The following NEK11 variants were observed in gnomAD, a reference collection of about 807,000 sequenced individuals.
NEK11 encodes NIMA related kinase 11, also known as serine/threonine-protein kinase Nek11.
In NEK11, 72 loss-of-function variants were observed where a neutral mutation model predicts 80.7. That is an observed-to-expected ratio of 0.89 (90% CI 0.74 to 1.08). The LOEUF (loss-of-function observed/expected upper bound fraction) is 1.08. Ranked by LOEUF, NEK11 falls within the 50% of genes least tolerant of loss-of-function variation. The pLI is 0.00. For synonymous variants in NEK11, 251 were observed against 260.7 expected (o/e 0.96, Z 0.36); for missense variants, 764 against 763.6 (o/e 1.00, Z -0.01).
intron 14 of NEK11, among the ~76,000 whole-genome samples, chr3:131,209,561 T>A (rs570918916): frequency 1.3e-5 from 2 of 152,346 alleles, no homozygotes; most frequent in East Asian, 3.9e-4. Context: ...GAAGGAATGG[T>A]ACCAGCTCCT....
chr3:131,063,704 A>G (rs776887354), intron 3 of NEK11, among the ~76,000 whole-genome samples: 1 of 152,196 alleles, frequency 6.6e-6, no homozygotes, highest in South Asian at 2.1e-4. Context: ...AGAGAGTGAC[A>G]TAAAAGTAGT....
intron 5 of NEK11, among the ~76,000 whole-genome samples, chr3:131,121,789 C>T (rs907102560): frequency 6.6e-6 from 1 of 152,206 alleles, no homozygotes; most frequent in Non-Finnish European, 1.5e-5. Context: ...CCAAGCCATG[C>T]ATGGGATATA....
intron 16 of NEK11, among the ~76,000 whole-genome samples, chr3:131,258,836 A>G (rs549607768): frequency 1.3e-5 from 2 of 152,258 alleles, no homozygotes; most frequent in East Asian, 3.9e-4. Flanking sequence ...GCTTTTCCCA[A>G]GTTGATCCAC....
intron 15 of NEK11, among the ~76,000 whole-genome samples, chr3:131,229,656 TA>T (rs1056333674): frequency 5.9e-5 from 9 of 152,184 alleles, no homozygotes; most frequent in African/African-American, 2.2e-4. Flanking sequence ...ACCATTTTAA[TA>T]AAGATTATGT....
chr3:131,163,882 CTGAT>C (rs1272602418), intron 11 of NEK11, among the ~76,000 whole-genome samples: 1 of 152,146 alleles, frequency 6.6e-6, no homozygotes, highest in African/African-American at 2.4e-5. Context: ...TTCTGAAAGA[CTGAT>C]TTATGTGTTG....
intron 16 of NEK11, among the ~76,000 whole-genome samples, chr3:131,269,417 C>G (rs894298713): frequency 6.6e-6 from 1 of 152,252 alleles, no homozygotes; most frequent in Non-Finnish European, 1.5e-5. Context: ...GAGGGAATCT[C>G]CTGGTCTGTG....
chr3:131,229,439 C>G lies in NEK11; in HGVS notation c.1560+751C>G, dbSNP rs371922798. ...CTTCTTACCTTCCAATCCTAAACTT[C>G]CATGAGTTACAGAAGCTTTTGTTAA... On this transcript the variant is annotated intron_variant, in intron 15 of 17. Transcript: ENST00000383366. Among the ~76,000 whole-genome samples, 4 of 152,150 alleles carry G rather than the reference C, an allele frequency of 2.6e-5. No individual in the cohort carries two copies. In the East Asian group the frequency reaches 5.8e-4, roughly 22 times the overall value.
In NEK11 at chr3:131,170,995, G is replaced by A. The variant is rs141704680; in HGVS notation, c.1399+108G>A. 18 of 805,488 alleles carry A rather than the reference G, an allele frequency of 2.2e-5. No homozygotes were observed. In the African/African-American group the frequency reaches 2.3e-4, roughly 10 times the overall value. The allele number at this position is 805,488 out of a possible 1,614,324, so 49.9% of individuals were successfully genotyped here. On this transcript the variant is annotated intron_variant, in intron 14 of 17. Coordinates refer to ENST00000383366, the MANE Select transcript of NEK11 (RefSeq NM_024800.5). ...GGCCTCTGGGAGAAGCTCTGAGTGT[G>A]TGCAGCTATTATCAGTTTACCAGGG...
intron 5 of NEK11, among the ~76,000 whole-genome samples, chr3:131,132,192 T>C (rs1289709659): frequency 2.0e-5 from 3 of 152,070 alleles, no homozygotes; most frequent in Non-Finnish European, 4.4e-5. Context: ...TGAAGATATT[T>C]GTATACTTTA....
At chr3:131,341,681 G>A (rs1057203630) in intron 17 of NEK11, among the ~76,000 whole-genome samples, 1 of 152,058 alleles carries the variant, frequency 6.6e-6, no homozygotes, top group Non-Finnish European at 1.5e-5. Flanking sequence ...TGTTTTATTA[G>A]ATGCATGCTC....
rs115367720 is a variant in NEK11 at position 131,162,835 on chromosome 3, C to T, written c.1082+308C>T. ...TTGTTGTTGACAGCTTCTGCACATA[C>T]CCCAGCAGGAGACATCACTGTTTCA... is the stretch of plus-strand genomic sequence containing the variant. On this transcript the variant is annotated intron_variant, in intron 11 of 17. Transcript: ENST00000383366. Among the ~76,000 whole-genome samples, 1,235 of 152,256 alleles carry T rather than the reference C, an allele frequency of 8.1e-3. 22 individuals are homozygous for T. Among genetic ancestry groups the T allele is most frequent in the African/African-American group, 0.028 (1,168 of 41,542 alleles).
chr3:131,268,935 G>C (rs1425190428), intron 16 of NEK11, among the ~76,000 whole-genome samples: 1 of 152,222 alleles, frequency 6.6e-6, no homozygotes, highest in African/African-American at 2.4e-5. Context: ...CCTGACTGGG[G>C]CTGCTGCCTT....
At chr3:131,267,803 AT>A (rs1429320876) in intron 16 of NEK11, among the ~76,000 whole-genome samples, 5 of 151,930 alleles carry the variant, frequency 3.3e-5, no homozygotes, top group African/African-American at 1.2e-4. Context: ...TATTTCCTGA[AT>A]TTGAAAGTTG....
chr3:131,124,394 C>T (rs2082928547), intron 5 of NEK11, among the ~76,000 whole-genome samples: 1 of 152,162 alleles, frequency 6.6e-6, no homozygotes, highest in Non-Finnish European at 1.5e-5. Flanking sequence ...AATTTCTGTC[C>T]AGTAGAACAG....
chr3:131,029,116 T>C (rs2064395545), intron 2 of NEK11, among the ~76,000 whole-genome samples: 1 of 152,222 alleles, frequency 6.6e-6, no homozygotes, highest in African/African-American at 2.4e-5. Context: ...AAAACTGTGG[T>C]TTAACATCTA....
chr3:131,206,430 A>G (rs2094442054), intron 14 of NEK11, among the ~76,000 whole-genome samples: 1 of 152,248 alleles, frequency 6.6e-6, no homozygotes, highest in South Asian at 2.1e-4. Context: ...ATTTATGCAC[A>G]AATACCTTGG....
At chr3:131,108,898 C>T (rs537234319) in intron 4 of NEK11, among the ~76,000 whole-genome samples, 1 of 152,170 alleles carries the variant, frequency 6.6e-6, no homozygotes, top group Admixed American at 6.5e-5. Context: ...AGCTATACTA[C>T]AGCAGCTATA....
At chr3:131,087,428 A>G (rs4682649) in intron 4 of NEK11, among the ~76,000 whole-genome samples, 139,213 of 151,790 alleles carry the variant, frequency 0.92, 64,343 homozygotes, top group Non-Finnish European at 0.95. Context: ...ATTTTTAGTA[A>G]AGATGGGGTT....
chr3:131,062,433 A>G (rs2071054344), intron 3 of NEK11, among the ~76,000 whole-genome samples: 1 of 152,228 alleles, frequency 6.6e-6, no homozygotes, highest in South Asian at 2.1e-4. Flanking sequence ...ACTTTGTTGA[A>G]GAATAATTTA....
Sources: allele counts gnomAD v4.1 joint callset (sites outside exome capture counted in the v4.1 genomes callset), GRCh38; gene constraint gnomAD v4.1.1; transcripts MANE v1.5; gene names NCBI Gene and HGNC (gene_info 2026-07-23, HGNC 2026-07-21).